Variants in RECQL4 observed in about 807,000 individuals in gnomAD.
RECQL4 encodes RecQ like helicase 4.
Under a neutral mutation model 128.6 loss-of-function variants are expected in RECQL4, and 158 were observed. The observed-to-expected ratio is 1.23, with a 90% confidence interval of 1.08 to 1.40. RECQL4 has a LOEUF of 1.40. Among genes scored for constraint, RECQL4 ranks in the 40% most tolerant of loss-of-function variants. The probability of loss-of-function intolerance (pLI) is 0.00; values close to 1 mark genes in which losing one functional copy is unlikely to be tolerated. For synonymous variants in RECQL4, 996 were observed against 678.9 expected, an observed-to-expected ratio of 1.47 and a Z score of -7.26; for missense variants, 2,293 against 1,649.8, an observed-to-expected ratio of 1.39 and a Z score of -6.75.
Position 144,517,097 on chromosome 8 carries a change from G to C in RECQL4, c.307C>G (p.Pro103Ala), listed in dbSNP as rs587778650. The change falls in exon 4 of 21, where the codon CCG becomes GCG. Residue 103 changes from proline to alanine, a missense_variant. Physicochemically the swap from Pro to Ala is conservative, Grantham distance 27 (BLOSUM62 -1). Transcript: ENST00000617875. ...TPGRSRQGSV[P>A]DYGQRLKANL... is the part of the protein sequence containing the mutation. ...GCCTTGAGCCGCTGCCCGTAGTCCG[G>C]CACCGAGCCCTGGCGGCTCCGCCCT... 5 of 1,612,442 alleles carry C rather than the reference G, an allele frequency of 3.1e-6. No individual in the cohort carries two copies. Among genetic ancestry groups the C allele is most frequent in the Non-Finnish European group, 4.2e-6 (5 of 1,179,746 alleles).
Position 144,516,101 on chromosome 8 carries a change from G to A in RECQL4, c.1018C>T (p.His340Tyr), listed in dbSNP as rs1200616266. 3 of 1,612,722 alleles carry A rather than the reference G, an allele frequency of 1.9e-6. No homozygotes were observed. Among genetic ancestry groups the A allele is most frequent in the African/African-American group, 1.3e-5 (1 of 74,938 alleles). The change falls in exon 5 of 21, where the codon CAC becomes TAC. Residue 340 changes from histidine (H) to tyrosine (Y), a missense_variant. By Grantham distance (83) the His-to-Tyr change is moderately conservative (BLOSUM62 2). Transcript: ENST00000617875. Reference sequence around the variant, plus strand: ...TGGCGGGCCAGCCGAGGGAAGATGTGCAGGGGGGCTGTGCCCTCAGCCTTC... The same window carrying A: ...TGGCGGGCCAGCCGAGGGAAGATGTACAGGGGGGCTGTGCCCTCAGCCTTC... ...AGKAEGTAPL[H>Y]IFPRLARHDR...
intron 6 of RECQL4, 93 bp downstream of exon 6, chr8:144,515,671 G>A: frequency 6.6e-7 from 1 of 1,518,688 alleles, no homozygotes; most frequent in Non-Finnish European, 8.9e-7. Flanking sequence ...GTACCTGGAA[G>A]GCCTGTTGCT....
intron 4 of RECQL4, 105 bp from the exon 5 acceptor site, chr8:144,516,869 T>C: frequency 7.2e-7 from 1 of 1,382,212 alleles, no homozygotes; most frequent in East Asian, 2.3e-5. Context: ...GCAGGCTAAT[T>C]AGCACAAGGC....
rs775204377 is a variant in RECQL4, at chr8:144,514,545, A to G, written c.1621-20T>C. The G allele has an allele frequency of 6.2e-7, 1 of 1,606,668 alleles. No individual in the cohort carries two copies. The highest frequency in any genetic ancestry group is 8.5e-7 in the Non-Finnish European group (1 of 1,177,028). On this transcript the variant is annotated intron_variant, in intron 9 of 20. Transcript: ENST00000617875. ...AGACACCTGCAAATGCAGGAGCGAC[A>G]GCCGTCATACGCCAGCCCAGCCCTG...
intron 16 of RECQL4, 40 bp from the exon 17 acceptor site, chr8:144,512,601 G>A (rs772800634): frequency 2.5e-6 from 4 of 1,611,846 alleles, no homozygotes; most frequent in Admixed American, 3.3e-5. Flanking sequence ...CAACAGCCCT[G>A]ATTCTCCAAC....
rs1564787794 is a variant in RECQL4, at chr8:144,511,808, C to G, written c.3394-19G>C. ...CCTGGAGCTGTGTGGACAGGCACAT[C>G]AGGCTTCCTCTGAGCTCCCGTGGCA... On this transcript the variant is annotated intron_variant, in intron 19 of 20. Transcript: ENST00000617875. 6.2e-7 allele frequency: 1 copy of G among 1,612,036 alleles called. No individual in the cohort carries two copies. Among genetic ancestry groups the G allele is most frequent in the Non-Finnish European group, 8.5e-7 (1 of 1,179,490 alleles).
At position 144,517,111 on chromosome 8, in the gene RECQL4, C is replaced by G. The variant is rs769634470; in HGVS notation, c.293G>C (p.Arg98Pro). ...KSPQSTPGRS[R>P]QGSVPDYGQR... ...CCCGTAGTCCGGCACCGAGCCCTGG[C>G]GGCTCCGCCCTGGCGTAGACTGTGG... Residue 98 changes from arginine to proline, a missense_variant, in exon 4 of 21, where the codon CGC becomes CCC. Transcript: ENST00000617875. 3.1e-6 allele frequency: 5 copies of G among 1,612,254 alleles called. No homozygotes were observed. In the African/African-American group the frequency reaches 6.7e-5, roughly 22 times the overall value.
chr8:144,515,860 C>T lies in RECQL4; in HGVS notation c.1162G>A (p.Glu388Lys). 1.9e-6 allele frequency: 3 copies of T among 1,612,952 alleles called. No homozygotes were observed. The South Asian group carries it at 3.3e-5, about 18-fold the overall frequency. The change falls in exon 6 of 21, where the codon GAG (glutamate) becomes AAG (lysine). Residue 388 changes from glutamate to lysine, a missense_variant. Physicochemically the swap from Glu to Lys is moderately conservative, Grantham distance 56 (BLOSUM62 1). Coordinates refer to ENST00000617875, the MANE Select transcript of RECQL4 (RefSeq NM_004260.4). ...AWKQKWRKKG[E>K]CFGGGGATVT... is the part of the protein sequence containing the mutation. ...GTGGCACCACCACCCCCAAAACACT[C>T]CCCTTTCTTCCGCCACTTCTGCTTC...
Position 144,514,453 on chromosome 8 carries a change from C to G in RECQL4, c.1693G>C (p.Val565Leu). 1 of 1,612,116 alleles carries G rather than the reference C, an allele frequency of 6.2e-7. No homozygotes were observed. Among genetic ancestry groups the G allele is most frequent in the Non-Finnish European group, 8.5e-7 (1 of 1,179,454 alleles). The stretch of plus-strand genomic sequence containing the variant: ...CATGAGGCCCCCACCTTCTGCAGGA[C>G]AGATTCCCGTTGCTTCCTGGTCATG... Reference protein sequence around the residue: ...SGMTRKQRESVLQKIRAAQVH... With the variant: ...SGMTRKQRESLLQKIRAAQVH... Residue 565 changes from valine (V) to leucine (L), a missense_variant, in exon 10 of 21, where the codon GTC (valine) becomes CTC (leucine). By Grantham distance (32) the Val-to-Leu change is conservative. Transcript: ENST00000617875.
chr8:144,515,642 G>T, intron 6 of RECQL4, 122 bp downstream of exon 6: 1 of 1,458,282 alleles, frequency 6.9e-7, no homozygotes. Context: ...GGGGAGCTAG[G>T]GTAGGGCCTG....
rs1827414386 is a variant in RECQL4, at chr8:144,512,378, G to A, written c.3055+14C>T. ...GGCAGCGTCCAGGGCGGTGTGGGGT[G>A]GGGAGAGGCGCACCTGTCCTGGGCT... On this transcript the variant is annotated intron_variant, in intron 17 of 20. Coordinates refer to ENST00000617875, the MANE Select transcript of RECQL4 (RefSeq NM_004260.4). The A allele has an allele frequency of 1.9e-6, 3 of 1,608,072 alleles. No homozygotes were observed. The highest frequency in any genetic ancestry group is 2.5e-6 in the Non-Finnish European group (3 of 1,176,690).
chr8:144,517,142 T>A lies in RECQL4; in HGVS notation c.262A>T (p.Lys88Ter). 6.2e-7 allele frequency: 1 copy of A among 1,611,562 alleles called. No homozygotes were observed. The highest frequency in any genetic ancestry group is 2.2e-5 in the East Asian group (1 of 44,876). The change falls in exon 4 of 21, where the codon AAG becomes TAG. Residue 88 changes from lysine (K) to a stop codon, truncating the protein, a stop_gained. Transcript: ENST00000617875. LOFTEE classifies it high-confidence loss of function. Reference sequence around the variant, plus strand: ...CGCCCTGGCGTAGACTGTGGACTCTTGGTCGCAGCCCGATTCAGATGGGGC... The same window carrying A: ...CGCCCTGGCGTAGACTGTGGACTCTAGGTCGCAGCCCGATTCAGATGGGGC... The part of the protein sequence containing the change: ...WGPHLNRAAT[K>*]SPQSTPGRSR...
Position 144,513,922 on chromosome 8 carries a change from A to G in RECQL4, c.2058+6T>C, listed in dbSNP as rs759290373. 5.3e-5 allele frequency: 83 copies of G among 1,551,552 alleles called. No homozygotes were observed. The highest frequency in any genetic ancestry group is 1.1e-5 in the Non-Finnish European group (13 of 1,148,488). On this transcript the variant is annotated splice_donor_region_variant and intron_variant, in intron 12 of 20. Coordinates refer to ENST00000617875, the MANE Select transcript of RECQL4 (RefSeq NM_004260.4). ...CCTGCAGGGTCCCCAGAGCACACACACCCACCTGGTCTGTGTCCCTGTCCA... is the reference window on the plus strand; with the variant it reads ...CCTGCAGGGTCCCCAGAGCACACACGCCCACCTGGTCTGTGTCCCTGTCCA...
At position 144,513,001 on chromosome 8, in the gene RECQL4, G is replaced by A. The variant is rs34358597; in HGVS notation, c.2601C>T (p.Ala867=). Reference sequence around the variant, plus strand: ...TGGGCACAGGCCTCTCCCCACCCACGGCCCCTTCCTGCTCCGAGGGCGGCC... The same window carrying A: ...TGGGCACAGGCCTCTCCCCACCCACAGCCCCTTCCTGCTCCGAGGGCGGCC... ...CTRPPSEQEG[A]VGGERPVPKY... is the part of the protein sequence containing the mutation. Residue 867 remains alanine (A), a synonymous_variant, in exon 15 of 21, where the codon GCC becomes GCT. Coordinates refer to ENST00000617875, the MANE Select transcript of RECQL4 (RefSeq NM_004260.4). 13 of 1,570,412 alleles carry A rather than the reference G, an allele frequency of 8.3e-6. No individual in the cohort carries two copies. The highest frequency in any genetic ancestry group is 5.4e-5 in the African/African-American group (4 of 73,908).
In RECQL4 at chr8:144,516,696, C is replaced by T. The variant is rs374243448; in HGVS notation, c.423G>A (p.Lys141=). 1.9e-6 allele frequency: 3 copies of T among 1,559,740 alleles called. No homozygotes were observed. Among genetic ancestry groups the T allele is most frequent in the Non-Finnish European group, 2.6e-6 (3 of 1,154,692 alleles). The change falls in exon 5 of 21, where the codon AAG becomes AAA. Residue 141 remains lysine (K), a synonymous_variant. Transcript: ENST00000617875. ...GRASSKASTP[K]PPGTGPVPSF... is the part of the protein sequence containing the mutation. ...AGGGGACAGGCCCTGTACCTGGGGGCTTTGGGGTGGATGCCTTAGATGAGG... is the reference window on the plus strand; with the variant it reads ...AGGGGACAGGCCCTGTACCTGGGGGTTTTGGGGTGGATGCCTTAGATGAGG...
At position 144,515,876 on chromosome 8, in the gene RECQL4, C is replaced by G. The variant is rs759321310; in HGVS notation, c.1146G>C (p.Lys382Asn). ...CAAAACACTCCCCTTTCTTCCGCCA[C>G]TTCTGCTTCCATGCCTGGGGGGTGC... ...RLLRKQAWKQ[K>N]WRKKGECFGG... is the part of the protein sequence containing the mutation. Residue 382 changes from lysine (K) to asparagine (N), a missense_variant, in exon 6 of 21, where the codon AAG becomes AAC. By Grantham distance (94) the Lys-to-Asn change is moderately conservative (BLOSUM62 0). Transcript: ENST00000617875. The G allele has an allele frequency of 1.9e-6, 3 of 1,613,016 alleles. No homozygotes were observed. In the Admixed American group the frequency reaches 5.0e-5, roughly 27 times the overall value.
rs768049351 is a variant in RECQL4, at chr8:144,516,039, C to T, written c.1080G>A (p.Gln360=). The part of the protein sequence containing the change: ...RGNYVRLNMK[Q]KHYVRGRALR... ...GTGCCCGGCCCCGCACGTAGTGTTT[C>T]TGCTTCATGTTGAGCCGTACGTAAT... Residue 360 remains glutamine, a synonymous_variant, in exon 5 of 21, where the codon CAG becomes CAA. Coordinates refer to ENST00000617875, the MANE Select transcript of RECQL4 (RefSeq NM_004260.4). 6 of 1,612,174 alleles carry T rather than the reference C, an allele frequency of 3.7e-6. No homozygotes were observed. The highest frequency in any genetic ancestry group is 5.1e-6 in the Non-Finnish European group (6 of 1,179,442).
chr8:144,513,685 G>T lies in RECQL4; in HGVS notation c.2086C>A (p.Arg696Ser), dbSNP rs531970883. 4.6e-4 allele frequency: 721 copies of T among 1,551,558 alleles called. 8 individuals carry two copies. In the South Asian group the frequency reaches 7.6e-3, roughly 16 times the overall value. The change falls in exon 13 of 21, where the codon CGT (arginine) becomes AGT (serine). Residue 696 changes from arginine to serine, a missense_variant. Coordinates refer to ENST00000617875, the MANE Select transcript of RECQL4 (RefSeq NM_004260.4). ...QALLTLLQGK[R>S]FQNLDSIIIY... ...ATAATGGAATCGAGGTTTTGAAAAC[G>T]TTTGCCTTGCAGCAGCGTCAACAGT...
chr8:144,516,407 C>A lies in RECQL4; in HGVS notation c.712G>T (p.Glu238Ter). Residue 238 changes from glutamate (E) to a stop codon, truncating the protein, a stop_gained, in exon 5 of 21, where the codon GAG becomes TAG. Transcript: ENST00000617875. LOFTEE classifies it high-confidence loss of function. ...CTGACTTCTTGGAAGGCTGAAGCCT[C>A]TGGGCCCTGGGAGCCAGCACCAGGA... ...LGPGAGSQGP[E>*]ASAFQEVSIR... The A allele has an allele frequency of 6.2e-7, 1 of 1,609,502 alleles. No homozygotes were observed. Among genetic ancestry groups the A allele is most frequent in the East Asian group, 2.2e-5 (1 of 44,876 alleles).
Sources: allele counts gnomAD v4.1 joint callset, GRCh38; gene constraint gnomAD v4.1.1; transcripts MANE v1.5; gene names NCBI Gene and HGNC (gene_info 2026-07-23, HGNC 2026-07-21).